Variants in AFDN observed in about 807,000 individuals in gnomAD.
AFDN encodes the protein afadin, adherens junction formation factor.
A neutral mutation model predicts 216.6 loss-of-function variants in AFDN; 68 were observed. The ratio of observed to expected loss-of-function variants is 0.31; its 90% CI spans 0.26 to 0.38. The LOEUF (loss-of-function observed/expected upper bound fraction) is 0.38. AFDN is among the 10% of genes least tolerant of loss of function. The probability of loss-of-function intolerance (pLI) is 1.00; values close to 1 mark genes in which losing one functional copy is unlikely to be tolerated. For missense variants in AFDN, 2,136 were observed against 2,342.0 expected, an observed-to-expected ratio of 0.91 and a Z score of 1.82; for synonymous variants, 868 against 853.7, an observed-to-expected ratio of 1.02 and a Z score of -0.29.
chr6:167,893,901 A>T lies in AFDN; in HGVS notation c.1217A>T (p.Tyr406Phe), dbSNP rs1442971385. ...NHFAYYNYHT[Y>F]EDGSDSRDKP... Reference sequence around the variant, plus strand: ...TTTGCCTACTACAACTATCACACTTACGAAGGTAATGCTATGCTTACTACT... The same window carrying T: ...TTTGCCTACTACAACTATCACACTTTCGAAGGTAATGCTATGCTTACTACT... Residue 406 changes from tyrosine (Y) to phenylalanine (F), a missense_variant, in exon 9 of 34, where the codon TAC (tyrosine) becomes TTC (phenylalanine). This residue lies in a region of AFDN where 817 missense variants were observed against 965.7 expected (regional missense o/e 0.85). Coordinates refer to ENST00000683244, the MANE Select transcript of AFDN (RefSeq NM_001386888.1). 2.7e-5 allele frequency: 43 copies of T among 1,585,382 alleles called. 1 individual carries two copies. Among genetic ancestry groups the T allele is most frequent in the Non-Finnish European group, 1.7e-6 (2 of 1,163,702 alleles).
chr6:167,862,162 G>T (rs891974843), intron 1 of AFDN, among the ~76,000 whole-genome samples: 4 of 152,144 alleles, frequency 2.6e-5, no homozygotes, highest in African/African-American at 9.7e-5. Context: ...GTCCGTGGAA[G>T]GGGGTAGCGG....
At position 167,870,375 on chromosome 6, in the gene AFDN, T is replaced by A; in HGVS notation, c.302-11T>A. 6.6e-7 allele frequency: 1 copy of A among 1,526,088 alleles called. No homozygotes were observed. The highest frequency in any genetic ancestry group is 1.2e-5 in the South Asian group (1 of 84,192). 94.5% of individuals were successfully genotyped at this position (1,526,088 alleles called of 1,614,324 possible). On this transcript the variant is annotated splice_polypyrimidine_tract_variant and intron_variant, in intron 2 of 33. Transcript: ENST00000683244. ...AGCTTATTCTTTTTTTCATTTCATG[T>A]TTTGAAGAAGAAAGAAGATTGGATA...
chr6:167,946,033 C>T lies in AFDN; in HGVS notation c.3359-674C>T, dbSNP rs142886385. ...CAGCCACAGCCAAGGCATCAGAGAA[C>T]GTGACTTGCTGCTTCTTGAAGCAAA... On this transcript the variant is annotated intron_variant, in intron 26 of 33. Coordinates refer to ENST00000683244, the MANE Select transcript of AFDN (RefSeq NM_001386888.1). 2.8e-3 allele frequency among the ~76,000 whole-genome samples: 429 copies of T among 152,302 alleles called. 2 individuals are homozygous for T. Among genetic ancestry groups the T allele is most frequent in the African/African-American group, 9.6e-3 (398 of 41,564 alleles).
At chr6:167,898,743 T>G (rs1788586738) in intron 11 of AFDN, among the ~76,000 whole-genome samples, 1 of 152,174 alleles carries the variant, frequency 6.6e-6, no homozygotes, top group African/African-American at 2.4e-5. Flanking sequence ...TACCTTTTCT[T>G]TTGTGAAAAA....
intron 19 of AFDN, among the ~76,000 whole-genome samples, chr6:167,916,881 G>A (rs1288558589): frequency 6.6e-6 from 1 of 152,020 alleles, no homozygotes; most frequent in East Asian, 1.9e-4. Context: ...AATTAAGAGG[G>A]CATCTAAAAA....
Position 167,915,421 on chromosome 6 carries a change from C to T in AFDN, c.2553C>T (p.Ser851=), listed in dbSNP as rs772581872. The T allele has an allele frequency of 7.4e-6, 12 of 1,611,324 alleles. No individual in the cohort carries two copies. The highest frequency in any genetic ancestry group is 8.5e-7 in the Non-Finnish European group (1 of 1,178,446). ...AACTGGCTGCGGACTGTCATCTGAG[C>T]AGGATCGTGCAGGTGATTGCTGGTG... ...GLELAADCHL[S]RIVQATTLLT... Residue 851 remains serine (S), a synonymous_variant, in exon 19 of 34, where the codon AGC becomes AGT. Transcript: ENST00000683244.
At position 167,951,645 on chromosome 6, in the gene AFDN, GC is replaced by G; in HGVS notation, c.4294del (p.Arg1432AlafsTer25). On this transcript the variant is annotated frameshift_variant, in exon 30 of 34. Transcript: ENST00000683244. LOFTEE classifies it high-confidence loss of function. This position sits in a 1 kb window ranked among gnomAD's most constrained non-coding sequence, Gnocchi z 7.1. ...TCAGCGTTGGTATGAGAAGGAGAAG[GC>G]CCGCCTGGAGGAGGAGCGGGAGAGG... ...EHQRWYEKEKARLEEERERKR... is the reference protein window; with the variant it reads ...EHQRWYEKEKXRLEEERERKR... 1 of 1,614,088 alleles carries G rather than the reference GC, an allele frequency of 6.2e-7. No homozygotes were observed. The highest frequency in any genetic ancestry group is 8.5e-7 in the Non-Finnish European group (1 of 1,179,994).
rs540253492 is a variant in AFDN at position 167,907,417 on chromosome 6, G to A, written c.1769+128G>A. 7.2e-6 allele frequency: 5 copies of A among 693,974 alleles called. No individual in the cohort carries two copies. The African/African-American group carries it at 7.2e-5, about 10-fold the overall frequency. 43.0% of individuals were successfully genotyped at this position (693,974 alleles called of 1,614,324 possible). A position where few individuals can be genotyped will look rare whatever the true frequency, so the allele number is the denominator to read the frequency against. ...TACAATGTTAGCAATAATATTTTAAGGGCATTTCCTTTCTGTGTTATTGAA... is the reference window on the plus strand; with the variant it reads ...TACAATGTTAGCAATAATATTTTAAAGGCATTTCCTTTCTGTGTTATTGAA... On this transcript the variant is annotated intron_variant, in intron 13 of 33. Coordinates refer to ENST00000683244, the MANE Select transcript of AFDN (RefSeq NM_001386888.1).
At chr6:167,887,486 C>T (rs996852151) in intron 6 of AFDN, among the ~76,000 whole-genome samples, 46 of 147,916 alleles carry the variant, frequency 3.1e-4, no homozygotes, top group African/African-American at 1.1e-3. Context: ...GATGAAGTCT[C>T]GCTCTGTCAC....
intron 6 of AFDN, among the ~76,000 whole-genome samples, chr6:167,881,464 G>A (rs988267196): frequency 3.9e-5 from 6 of 152,164 alleles, no homozygotes; most frequent in African/African-American, 1.4e-4. Context: ...GTAAATGAGA[G>A]GTCTCTGACT....
At chr6:167,926,231 A>G (rs553789424) in intron 23 of AFDN, among the ~76,000 whole-genome samples, 2 of 152,288 alleles carry the variant, frequency 1.3e-5, no homozygotes, top group African/African-American at 4.8e-5. Context: ...CAGCTGCTCT[A>G]ATTTGTGAAG....
At chr6:167,918,474 A>G (rs1430143138) in intron 20 of AFDN, among the ~76,000 whole-genome samples, 1 of 152,158 alleles carries the variant, frequency 6.6e-6, no homozygotes, top group Non-Finnish European at 1.5e-5. Context: ...ATTTAAAGCT[A>G]CACGTTACTT....
At position 167,908,066 on chromosome 6, in the gene AFDN, A is replaced by G. The variant is rs184829854; in HGVS notation, c.1769+777A>G. ...AATACAGAAAGACTGCATGACTTCTATGGCATTCTCATTATCAGCAGTGAA... is the reference window on the plus strand; with the variant it reads ...AATACAGAAAGACTGCATGACTTCTGTGGCATTCTCATTATCAGCAGTGAA... On this transcript the variant is annotated intron_variant, in intron 13 of 33. Transcript: ENST00000683244. 1.4e-3 allele frequency among the ~76,000 whole-genome samples: 210 copies of G among 152,360 alleles called. 2 individuals carry two copies. The highest frequency in any genetic ancestry group is 4.8e-3 in the African/African-American group (200 of 41,586).
At chr6:167,905,929 C>T (rs1313175539) in intron 12 of AFDN, among the ~76,000 whole-genome samples, 1 of 152,094 alleles carries the variant, frequency 6.6e-6, no homozygotes, top group Non-Finnish European at 1.5e-5. Flanking sequence ...CATGGTGAAA[C>T]CCTGTCTCTG....
rs780181029 is a variant in AFDN, at chr6:167,965,906, C to G, written c.5118C>G (p.Pro1706=). ...ACTACGAGCCCCCGTCCCCGTCCCC[C>G]GCGCCCGGCGCCCCTCCTCCCCCGC... The part of the protein sequence containing the change: ...PRDYEPPSPS[P]APGAPPPPPQ... The change falls in exon 32 of 34, where the codon CCC becomes CCG. Residue 1706 remains proline (P), a synonymous_variant. Transcript: ENST00000683244. 295 of 1,549,616 alleles carry G rather than the reference C, an allele frequency of 1.9e-4. No individual in the cohort carries two copies. The highest frequency in any genetic ancestry group is 2.5e-4 in the Non-Finnish European group (284 of 1,146,606).
intron 5 of AFDN, among the ~76,000 whole-genome samples, chr6:167,878,230 A>G (rs1785634470): frequency 6.6e-6 from 1 of 152,198 alleles, no homozygotes. Context: ...ACCACTGTGT[A>G]CAAACCAAGA....
chr6:167,893,955 C>G (rs758638174), intron 9 of AFDN, 49 bp downstream of exon 9: 1 of 1,366,174 alleles, frequency 7.3e-7, no homozygotes, highest in Non-Finnish European at 1.0e-6. Context: ...CTAATAGAAC[C>G]TCATGGGCAG....
chr6:167,967,567 A>G (rs545490617), intron 32 of AFDN, among the ~76,000 whole-genome samples: 1 of 152,190 alleles, frequency 6.6e-6, no homozygotes, highest in African/African-American at 2.4e-5. Context: ...TGAACCTAAG[A>G]TATTTTTTTA....
rs1046565058 is a variant in AFDN, at chr6:167,970,926, C to G, written c.*991C>G. ...TGCCGTCAAGGAAGGAATTCAGTTA[C>G]AGGGCATCTGTAACTTAAATATTGT... is the stretch of plus-strand genomic sequence containing the variant. On this transcript the variant is annotated 3_prime_UTR_variant, in exon 34 of 34. Transcript: ENST00000683244. 4.7e-6 allele frequency: 1 copy of G among 211,732 alleles called. No homozygotes were observed. Among genetic ancestry groups the G allele is most frequent in the Non-Finnish European group, 9.6e-6 (1 of 104,604 alleles). The allele number at this position is 211,732 out of a possible 1,614,324, so 13.1% of individuals were successfully genotyped here. A position where few individuals can be genotyped will look rare whatever the true frequency, so the allele number is the denominator to read the frequency against.
Sources: gnomAD v4.1 joint callset for allele counts (sites outside exome capture counted in the v4.1 genomes callset) on GRCh38, gnomAD v4.1.1 for gene constraint, gnomAD v4.1.1 regional missense constraint, Gnocchi (gnomAD v3.1) non-coding constraint, MANE v1.5 for transcripts, NCBI Gene and HGNC (gene_info 2026-07-23, HGNC 2026-07-21) for gene names.